TRAPPC12: variants seen among roughly 807,000 people sequenced by gnomAD.
TRAPPC12 encodes trafficking protein particle complex subunit 12.
Under a neutral mutation model 69.2 loss-of-function variants are expected in TRAPPC12, and 61 were observed. That is an observed-to-expected ratio of 0.88 (90% CI 0.72 to 1.09). The LOEUF (loss-of-function observed/expected upper bound fraction) is 1.09. TRAPPC12 is among the 50% of genes least tolerant of loss of function. The probability of loss-of-function intolerance (pLI) is 0.00; values close to 1 mark genes in which losing one functional copy is unlikely to be tolerated. For synonymous variants in TRAPPC12, 469 were observed against 438.9 expected, an observed-to-expected ratio of 1.07 and a Z score of -0.86; for missense variants, 1,101 against 1,016.4, an observed-to-expected ratio of 1.08 and a Z score of -1.13.
intron 5 of TRAPPC12, 169 bp from the exon 6 acceptor site, chr2:3,443,610 G>T: frequency 1.5e-6 from 1 of 651,088 alleles, no homozygotes; most frequent in Non-Finnish European, 2.8e-6. Context: ...GCTCCATAGA[G>T]AAAACCAGCA....
At chr2:3,403,103 T>A (rs1297885728) in intron 3 of TRAPPC12, among the ~76,000 whole-genome samples, 1 of 152,224 alleles carries the variant, frequency 6.6e-6, no homozygotes, top group East Asian at 1.9e-4. Flanking sequence ...CTGGAGGACA[T>A]GTATTCACCT....
chr2:3,439,175 T>A (rs896118103), intron 5 of TRAPPC12, among the ~76,000 whole-genome samples: 2 of 152,256 alleles, frequency 1.3e-5, no homozygotes, highest in Non-Finnish European at 2.9e-5. Context: ...ATTGTTTTAA[T>A]TTGCAGTTCC....
At chr2:3,416,397 G>T (rs1043042556) in intron 3 of TRAPPC12, among the ~76,000 whole-genome samples, 1 of 152,042 alleles carries the variant, frequency 6.6e-6, no homozygotes, top group African/African-American at 2.4e-5. Context: ...CTGTGTGTCC[G>T]CAGGGGCAGT....
intron 6 of TRAPPC12, among the ~76,000 whole-genome samples, chr2:3,453,938 C>T (rs1664988035): frequency 6.6e-6 from 1 of 152,240 alleles, no homozygotes; most frequent in Non-Finnish European, 1.5e-5. Context: ...CTGTGAACTG[C>T]TGTTTCTTTT....
At chr2:3,390,100 G>A (rs1035753158) in intron 2 of TRAPPC12, among the ~76,000 whole-genome samples, 1 of 152,198 alleles carries the variant, frequency 6.6e-6, no homozygotes, top group Non-Finnish European at 1.5e-5. Context: ...AGTCCCTTAC[G>A]TGGGTTTATC....
chr2:3,469,423 G>A (rs558961589), intron 9 of TRAPPC12, among the ~76,000 whole-genome samples: 37 of 152,358 alleles, frequency 2.4e-4, no homozygotes, highest in South Asian at 4.1e-4. Flanking sequence ...AGTACGGGAC[G>A]AGGTTTTGGT....
At chr2:3,435,158 G>T (rs146204286) in intron 5 of TRAPPC12, among the ~76,000 whole-genome samples, 3 of 152,102 alleles carry the variant, frequency 2.0e-5, no homozygotes, top group Non-Finnish European at 4.4e-5. Flanking sequence ...GATTATAGGC[G>T]CATGCCACCA....
chr2:3,446,832 G>A (rs1363239547), intron 6 of TRAPPC12, among the ~76,000 whole-genome samples: 1 of 152,234 alleles, frequency 6.6e-6, no homozygotes, highest in African/African-American at 2.4e-5. Context: ...TGAGTTTACA[G>A]TTTGGTAGAC....
chr2:3,388,360 C>T lies in TRAPPC12; in HGVS notation c.737C>T (p.Ala246Val). The T allele has an allele frequency of 1.3e-6, 2 of 1,595,922 alleles. No individual in the cohort carries two copies. The highest frequency in any genetic ancestry group is 1.7e-6 in the Non-Finnish European group (2 of 1,172,328). ...CCCGGCGCGGGCTCCCCGGCCCCCG[C>T]CAGCCCGCCTCCCCTCGCTGTGCCC... The part of the protein sequence containing the change: ...SNPGAGSPAP[A>V]SPPPLAVPGT... The change falls in exon 2 of 12, where the codon GCC (alanine) becomes GTC (valine). Residue 246 changes from alanine to valine, a missense_variant. Physicochemically the swap from Ala to Val is moderately conservative, Grantham distance 64. Transcript: ENST00000324266.
intron 8 of TRAPPC12, chr2:3,463,072 G>GT (rs1183563769): frequency 7.1e-6 from 3 of 420,990 alleles, no homozygotes; most frequent in African/African-American, 6.1e-5. Flanking sequence ...GTCCCTGGAA[G>GT]TAAGTCATTC....
intron 3 of TRAPPC12, among the ~76,000 whole-genome samples, chr2:3,418,499 C>G (rs1243483420): frequency 6.6e-6 from 1 of 152,184 alleles, no homozygotes; most frequent in East Asian, 1.9e-4. Context: ...GATCCGCCAG[C>G]GTTTTCTGTA....
rs544669788 is a variant in TRAPPC12, at chr2:3,446,870, G to C, written c.1530+2979G>C. Among the ~76,000 whole-genome samples the C allele has an allele frequency of 2.0e-5, 3 of 152,274 alleles. No homozygotes were observed. The South Asian group carries it at 6.2e-4, about 32-fold the overall frequency. On this transcript the variant is annotated intron_variant, in intron 6 of 11. Transcript: ENST00000324266. ...TGCTTGTTTCACCTGTTCCTTTTAG[G>C]TTTGCAGCCATCACCAATACATCAT...
intron 6 of TRAPPC12, among the ~76,000 whole-genome samples, chr2:3,447,102 CTTT>C: frequency 1.4e-5 from 2 of 148,140 alleles, no homozygotes; most frequent in African/African-American, 2.5e-5. Context: ...CCTCAGGAAG[CTTT>C]TTTTTTTTTT....
chr2:3,427,520 C>T (rs920701038), intron 5 of TRAPPC12, among the ~76,000 whole-genome samples: 3 of 152,232 alleles, frequency 2.0e-5, no homozygotes, highest in Non-Finnish European at 4.4e-5. Flanking sequence ...ACAACACCTG[C>T]TTCTGAATTT....
intron 1 of TRAPPC12, among the ~76,000 whole-genome samples, chr2:3,383,871 GTTTTTTTTTTTTTTTTTTTTTTTTT>G (rs34956958): frequency 3.7e-4 from 32 of 85,594 alleles, no homozygotes; most frequent in African/African-American, 5.4e-4. Context: ...GTTCAGTCTT[GTTTTTTTTTTTTTTTTTTTTTTTTT>G]TTTTTTTTTT....
At chr2:3,380,066 GCTCCACGTCGCCGCGGCCCTTGCT>G (rs999213715) in intron 1 of TRAPPC12, among the ~76,000 whole-genome samples, 190 bp downstream of exon 1, 5 of 151,976 alleles carry the variant, frequency 3.3e-5, no homozygotes, top group African/African-American at 9.6e-5. Flanking sequence ...CTTGTGCCAG[GCTCCACGTCGCCGCGGCCCTTGCT>G]CTCCACGTCT....
rs1031928123 is a variant in TRAPPC12 at position 3,476,388 on chromosome 2, G to A, written c.1777-1307G>A. 9.2e-5 allele frequency among the ~76,000 whole-genome samples: 14 copies of A among 152,268 alleles called. No individual in the cohort carries two copies. The South Asian group carries it at 1.2e-3, about 14-fold the overall frequency. ...GAGTGGCATTCTTCCCACCAGCCAC[G>A]GGGCCCTGATTCCTCAGGGTCTTCA... On this transcript the variant is annotated intron_variant, in intron 9 of 11. Coordinates refer to ENST00000324266, the MANE Select transcript of TRAPPC12 (RefSeq NM_016030.6).
At position 3,387,751 on chromosome 2, in the gene TRAPPC12, T is replaced by G; in HGVS notation, c.128T>G (p.Phe43Cys). Residue 43 changes from phenylalanine (F) to cysteine (C), a missense_variant, in exon 2 of 12, where the codon TTT becomes TGT. Coordinates refer to ENST00000324266, the MANE Select transcript of TRAPPC12 (RefSeq NM_016030.6). ...EETIDLGGDEFGSEENETASE... is the reference protein window; with the variant it reads ...EETIDLGGDECGSEENETASE... ...ACCATCGATCTTGGCGGAGATGAGT[T>G]TGGATCCGAAGAGAACGAGACCGCA... 1 of 1,611,802 alleles carries G rather than the reference T, an allele frequency of 6.2e-7. No homozygotes were observed. Among genetic ancestry groups the G allele is most frequent in the Non-Finnish European group, 8.5e-7 (1 of 1,178,890 alleles).
At chr2:3,385,204 A>C (rs544321865) in intron 1 of TRAPPC12, among the ~76,000 whole-genome samples, 2 of 152,214 alleles carry the variant, frequency 1.3e-5, no homozygotes, top group African/African-American at 4.8e-5. Context: ...TAGAGAAGAA[A>C]CCCTCAGATC....
Sources: gnomAD v4.1 joint callset for allele counts (sites outside exome capture counted in the v4.1 genomes callset) on GRCh38, gnomAD v4.1.1 for gene constraint, MANE v1.5 for transcripts, NCBI Gene and HGNC (gene_info 2026-07-23, HGNC 2026-07-21) for gene names.